Variants in TBC1D12 observed in about 807,000 individuals in gnomAD.
TBC1D12 encodes TBC1 domain family, member 12.
A neutral mutation model predicts 86.7 loss-of-function variants in TBC1D12; 56 were observed. That is an observed-to-expected ratio of 0.65 (90% CI 0.52 to 0.81). TBC1D12 has a LOEUF of 0.81. TBC1D12 is among the 30% of genes least tolerant of loss of function. TBC1D12 has a pLI of 0.00. For missense variants in TBC1D12, 1,023 were observed against 1,038.8 expected (o/e 0.98, Z 0.21); for synonymous variants, 421 against 411.7 (o/e 1.02, Z -0.27).
intron 9 of TBC1D12, among the ~76,000 whole-genome samples, chr10:94,515,297 G>A (rs1433558944): frequency 6.6e-6 from 1 of 151,770 alleles, no homozygotes; most frequent in African/African-American, 2.4e-5. Flanking sequence ...ATCCTCAGGG[G>A]ATATATTCCA....
intron 1 of TBC1D12, among the ~76,000 whole-genome samples, chr10:94,415,595 A>C (rs2054989046): frequency 6.6e-6 from 1 of 152,114 alleles, no homozygotes; most frequent in Admixed American, 6.5e-5. Flanking sequence ...CTAGCTGGGC[A>C]TGGTGGCGGG....
At chr10:94,499,549 T>G (rs1282209247) in intron 5 of TBC1D12, among the ~76,000 whole-genome samples, 3 of 152,222 alleles carry the variant, frequency 2.0e-5, no homozygotes, top group Admixed American at 2.0e-4. Flanking sequence ...CCCTCTCGAC[T>G]GGAGGGTTGG....
At chr10:94,422,990 C>T (rs2055095689) in intron 1 of TBC1D12, among the ~76,000 whole-genome samples, 1 of 152,154 alleles carries the variant, frequency 6.6e-6, no homozygotes, top group Non-Finnish European at 1.5e-5. Flanking sequence ...GCCCCAGCTA[C>T]ACAGGAGTCT....
intron 2 of TBC1D12, 69 bp downstream of exon 2, chr10:94,442,088 T>C (rs76179403): frequency 2.5e-5 from 36 of 1,446,990 alleles, no homozygotes; most frequent in Middle Eastern, 1.9e-4. Flanking sequence ...TCTTCTTTTT[T>C]TTTTTTTTTT....
At chr10:94,497,783 A>G (rs2056343123) in intron 5 of TBC1D12, among the ~76,000 whole-genome samples, 1 of 139,836 alleles carries the variant, frequency 7.2e-6, no homozygotes, top group South Asian at 2.3e-4. Context: ...ATGCTAATTG[A>G]TTTATGAAAC....
At chr10:94,531,671 T>TA (rs1842421849) in intron 12 of TBC1D12, among the ~76,000 whole-genome samples, 2 of 145,474 alleles carry the variant, frequency 1.4e-5, no homozygotes, top group Admixed American at 1.4e-4. Context: ...TATTTTATTT[T>TA]ATTTTATTTT....
intron 5 of TBC1D12, among the ~76,000 whole-genome samples, chr10:94,499,596 T>C (rs1030306926): frequency 1.2e-4 from 19 of 152,190 alleles, no homozygotes; most frequent in African/African-American, 4.3e-4. Flanking sequence ...GTTTGTACAT[T>C]GGGAATTTGT....
At chr10:94,518,791 C>G (rs994983413) in intron 9 of TBC1D12, among the ~76,000 whole-genome samples, 2 of 152,068 alleles carry the variant, frequency 1.3e-5, no homozygotes, top group African/African-American at 4.8e-5. Context: ...CATAATATTC[C>G]GGGCTGGACA....
chr10:94,406,534 G>T (rs1412553176), intron 1 of TBC1D12, among the ~76,000 whole-genome samples: 1 of 152,208 alleles, frequency 6.6e-6, no homozygotes, highest in Non-Finnish European at 1.5e-5. Flanking sequence ...CTAGCCACTG[G>T]TATGAAGAAC....
At chr10:94,460,653 G>A (rs1231190521) in intron 2 of TBC1D12, among the ~76,000 whole-genome samples, 1 of 151,376 alleles carries the variant, frequency 6.6e-6, no homozygotes, top group Non-Finnish European at 1.5e-5. Context: ...TTAATTTGGG[G>A]GAAATTCTCA....
chr10:94,531,158 A>C (rs1842408771), intron 11 of TBC1D12, 44 bp from the exon 12 acceptor site: 1 of 1,584,782 alleles, frequency 6.3e-7, no homozygotes. Context: ...TAAATGAGTC[A>C]ATGAATGAAA....
At chr10:94,469,242 A>G (rs1210251477) in intron 2 of TBC1D12, among the ~76,000 whole-genome samples, 2 of 152,030 alleles carry the variant, frequency 1.3e-5, no homozygotes, top group South Asian at 2.1e-4. Context: ...CCCAGTGATG[A>G]CTTTTTATTC....
Position 94,533,035 on chromosome 10 carries a change from C to T in TBC1D12, c.2267C>T (p.Ala756Val), listed in dbSNP as rs1007551649. 3 of 1,569,992 alleles carry T rather than the reference C, an allele frequency of 1.9e-6. No individual in the cohort carries two copies. The Admixed American group carries it at 5.3e-5, about 28-fold the overall frequency. ...ATTTTATATAATTTTCAGGTCTTTG[C>T]ATCTGTAATGAAGGATATTAAAGAA... ...NSTKKWTQVF[A>V]SVMKDIKEGD... The change falls in exon 13 of 13, where the codon GCA (alanine) becomes GTA (valine). Residue 756 changes from alanine (A) to valine (V), a missense_variant. By Grantham distance (64) the Ala-to-Val change is moderately conservative (BLOSUM62 0). Coordinates refer to ENST00000225235, the MANE Select transcript of TBC1D12 (RefSeq NM_015188.2).
chr10:94,409,763 A>G (rs1464174149), intron 1 of TBC1D12, among the ~76,000 whole-genome samples: 1 of 152,192 alleles, frequency 6.6e-6, no homozygotes, highest in African/African-American at 2.4e-5. Flanking sequence ...AGAAATCTCT[A>G]CATTATCCAA....
chr10:94,403,661 C>T (rs2054808423), intron 1 of TBC1D12, 77 bp downstream of exon 1: 2 of 1,377,142 alleles, frequency 1.5e-6, no homozygotes, highest in Non-Finnish European at 1.9e-6. Flanking sequence ...GGAGTCGGAG[C>T]CGGAGCCGGA....
At chr10:94,418,815 C>G (rs937840105) in intron 1 of TBC1D12, among the ~76,000 whole-genome samples, 1 of 151,742 alleles carries the variant, frequency 6.6e-6, no homozygotes, top group African/African-American at 2.4e-5. Context: ...TCAAGTGATC[C>G]ACCCGCATCA....
intron 9 of TBC1D12, among the ~76,000 whole-genome samples, chr10:94,519,925 G>A (rs1293061641): frequency 6.6e-6 from 1 of 152,082 alleles, no homozygotes; most frequent in East Asian, 1.9e-4. Flanking sequence ...ACCATGTCCA[G>A]CAACATATTC....
At chr10:94,407,025 A>T (rs1033119433) in intron 1 of TBC1D12, among the ~76,000 whole-genome samples, 1 of 151,738 alleles carries the variant, frequency 6.6e-6, no homozygotes, top group East Asian at 1.9e-4. Flanking sequence ...TCTTTCCCTT[A>T]ATTAGGCAAA....
chr10:94,520,903 CG>C (rs1842132959), intron 9 of TBC1D12, among the ~76,000 whole-genome samples: 1 of 152,122 alleles, frequency 6.6e-6, no homozygotes, highest in Non-Finnish European at 1.5e-5. Flanking sequence ...TCAGGTGATC[CG>C]CCCGCCTCGG....
Sources: allele counts gnomAD v4.1 joint callset (sites outside exome capture counted in the v4.1 genomes callset), GRCh38; gene constraint gnomAD v4.1.1; transcripts MANE v1.5; gene names NCBI Gene and HGNC (gene_info 2026-07-23, HGNC 2026-07-21).